NEBL: variants seen among roughly 807,000 people sequenced by gnomAD.
NEBL encodes the protein LIM and SH3 protein 2.
Under a neutral mutation model 140.2 loss-of-function variants are expected in NEBL, and 122 were observed. That is an observed-to-expected ratio of 0.87 (90% CI 0.75 to 1.01). The LOEUF (loss-of-function observed/expected upper bound fraction) is 1.01. Among genes scored for constraint, NEBL ranks in the 50% least tolerant of loss-of-function variants. NEBL has a pLI of 0.00. For synonymous variants in NEBL, 436 were observed against 398.9 expected (o/e 1.09, Z -1.11); for missense variants, 1,365 against 1,231.3 (o/e 1.11, Z -1.62).
intron 4 of NEBL, among the ~76,000 whole-genome samples, chr10:20,939,202 C>T (rs950789563): frequency 3.3e-5 from 5 of 152,204 alleles, no homozygotes; most frequent in African/African-American, 1.2e-4. Context: ...AGGTTACCCA[C>T]AAAGGGATGC....
chr10:21,215,574 A>G (rs1210452527), intron 3 of NEBL, among the ~76,000 whole-genome samples: 2 of 152,236 alleles, frequency 1.3e-5, no homozygotes, highest in Non-Finnish European at 2.9e-5. Context: ...GTGCCACAAA[A>G]GGCAAAGAAA....
intron 4 of NEBL, among the ~76,000 whole-genome samples, chr10:20,935,359 A>G (rs970132794): frequency 6.6e-6 from 1 of 152,236 alleles, no homozygotes; most frequent in African/African-American, 2.4e-5. Context: ...TGAGCCTACA[A>G]GTGACGCTAA....
chr10:20,968,116 T>C (rs1455726388), intron 3 of NEBL, among the ~76,000 whole-genome samples: 6 of 152,140 alleles, frequency 3.9e-5, no homozygotes, highest in Non-Finnish European at 7.4e-5. Context: ...TTCATCTTAG[T>C]GAGGCTGTTT....
intron 1 of NEBL, among the ~76,000 whole-genome samples, chr10:21,280,947 C>T (rs1420516024): frequency 6.6e-6 from 1 of 152,054 alleles, no homozygotes; most frequent in African/African-American, 2.4e-5. Flanking sequence ...TGAGAAGTAA[C>T]AGGAAGAAAT....
intron 3 of NEBL, among the ~76,000 whole-genome samples, chr10:21,243,938 A>AGGGAAG (rs56105656): frequency 0.3 from 40,197 of 136,044 alleles, 6,390 homozygotes; most frequent in African/African-American, 0.45. Context: ...GGAAAGGGAA[A>AGGGAAG]GGGAAGGGGA....
intron 5 of NEBL, among the ~76,000 whole-genome samples, chr10:20,870,368 T>C (rs937382892): frequency 2.0e-5 from 3 of 148,930 alleles, no homozygotes; most frequent in African/African-American, 7.4e-5. Flanking sequence ...TTATGCTACC[T>C]AAGAAATAAG....
chr10:21,091,139 C>T (rs552834283), intron 2 of NEBL, among the ~76,000 whole-genome samples: 3 of 152,214 alleles, frequency 2.0e-5, no homozygotes, highest in Admixed American at 6.5e-5. Context: ...TCCATCATCT[C>T]TTTCCTGGCT....
At position 21,126,204 on chromosome 10, in the gene NEBL, A is replaced by T. The variant is rs766173834; in HGVS notation, c.164+46179T>A. 5 of 1,366,676 alleles carry T rather than the reference A, an allele frequency of 3.7e-6. No individual in the cohort carries two copies. In the South Asian group the frequency reaches 6.6e-5, roughly 18 times the overall value. 84.7% of individuals were successfully genotyped at this position (1,366,676 alleles called of 1,614,324 possible). ...GAAAAAAAATACCACATTTGGAATA[A>T]TAACAACTACATTGCTGGTTATGTT... is the stretch of plus-strand genomic sequence containing the variant. On this transcript the variant is annotated intron_variant, in intron 2 of 6. Coordinates refer to the NEBL transcript ENST00000417816.
intron 7 of NEBL, among the ~76,000 whole-genome samples, chr10:20,863,066 C>G (rs1186981395): frequency 1.3e-5 from 2 of 152,034 alleles, no homozygotes; most frequent in Admixed American, 1.3e-4. Context: ...TAAGAGACAG[C>G]AGGATTTTCA....
At chr10:20,852,877 G>A (rs1842688151) in intron 9 of NEBL, among the ~76,000 whole-genome samples, 1 of 152,186 alleles carries the variant, frequency 6.6e-6, no homozygotes, top group Non-Finnish European at 1.5e-5. Context: ...GAGAGGCAGA[G>A]GACAATTAAC....
intron 11 of NEBL, 65 bp downstream of exon 11, chr10:20,850,330 C>A (rs768530554): frequency 7.8e-7 from 1 of 1,274,390 alleles, no homozygotes; most frequent in East Asian, 2.3e-5. Flanking sequence ...GAACATTCTG[C>A]GTCCTTTCAA....
intron 2 of NEBL, among the ~76,000 whole-genome samples, chr10:21,100,191 C>A (rs1837407963): frequency 6.6e-6 from 1 of 152,240 alleles, no homozygotes; most frequent in South Asian, 2.1e-4. Flanking sequence ...TGTGATCACC[C>A]CCTTTTAATT....
chr10:21,191,674 C>A (rs186488241), intron 3 of NEBL, among the ~76,000 whole-genome samples: 1 of 152,206 alleles, frequency 6.6e-6, no homozygotes, highest in South Asian at 2.1e-4. Context: ...TTTGACCACA[C>A]GCCCAAAGGC....
At chr10:20,929,091 A>G (rs1194684858) in intron 4 of NEBL, among the ~76,000 whole-genome samples, 1 of 152,010 alleles carries the variant, frequency 6.6e-6, no homozygotes, top group Non-Finnish European at 1.5e-5. Context: ...TACCATTTTG[A>G]TCCAGCAATC....
At chr10:20,797,777 C>T (rs1836699929) in intron 26 of NEBL, among the ~76,000 whole-genome samples, 1 of 151,942 alleles carries the variant, frequency 6.6e-6, no homozygotes, top group African/African-American at 2.4e-5. Context: ...ACACATGGGT[C>T]AGGTATGGCA....
At chr10:20,896,867 T>G in intron 2 of NEBL, 91 bp downstream of exon 2, 1 of 1,106,154 alleles carries the variant, frequency 9.0e-7, no homozygotes, top group Non-Finnish European at 1.4e-6. Flanking sequence ...AAAGGTGATT[T>G]CAGGGTTTCC....
intron 1 of NEBL, among the ~76,000 whole-genome samples, chr10:21,290,287 T>C (rs56958459): frequency 0.22 from 33,846 of 152,026 alleles, 4,150 homozygotes; most frequent in African/African-American, 0.33. Context: ...CTCAGAGCAC[T>C]GCAAAATATG....
intron 3 of NEBL, among the ~76,000 whole-genome samples, chr10:21,010,976 A>G (rs949830898): frequency 6.6e-6 from 1 of 152,238 alleles, no homozygotes; most frequent in Non-Finnish European, 1.5e-5. Flanking sequence ...GGAAGGAGCT[A>G]TTTAGAGAAT....
chr10:21,174,660 C>CG (rs1042098673), upstream of NEBL: 4 of 152,218 alleles, frequency 2.6e-5, no homozygotes, highest in Non-Finnish European at 5.9e-5. Context: ...GCCCAAGGGC[C>CG]GGGAGATCCG....
Sources: allele counts gnomAD v4.1 joint callset (sites outside exome capture counted in the v4.1 genomes callset), GRCh38; gene constraint gnomAD v4.1.1; transcripts MANE v1.5; gene names NCBI Gene and HGNC (gene_info 2026-07-23, HGNC 2026-07-21).